The following TENM3 variants were observed in gnomAD, a reference collection of about 807,000 sequenced individuals.
TENM3 encodes teneurin transmembrane protein 3, also known as teneurin-3.
Under a neutral mutation model 255.1 loss-of-function variants are expected in TENM3, and 63 were observed. The observed-to-expected ratio is 0.25, with a 90% CI of 0.20 to 0.30. TENM3 has a LOEUF of 0.30. TENM3 is among the 10% of genes least tolerant of loss of function. The probability of loss-of-function intolerance (pLI) is 1.00; values close to 1 mark genes in which losing one functional copy is unlikely to be tolerated. For missense variants in TENM3, 2,929 were observed against 3,461.1 expected, an observed-to-expected ratio of 0.85 and a Z score of 3.86; for synonymous variants, 1,306 against 1,322.3, an observed-to-expected ratio of 0.99 and a Z score of 0.27.
intron 2 of TENM3, 98 bp downstream of exon 2, chr4:182,324,350 T>C: frequency 2.3e-6 from 2 of 888,174 alleles, no homozygotes; most frequent in Non-Finnish European, 3.7e-6. Flanking sequence ...TTTCTGACTT[T>C]GGCGTTCCAT....
chr4:182,486,067 G>A lies in TENM3; in HGVS notation c.512-114857G>A, dbSNP rs550331245. Among the ~76,000 whole-genome samples, 7 of 152,054 alleles carry A rather than the reference G, an allele frequency of 4.6e-5. No individual in the cohort carries two copies. The East Asian group carries it at 5.8e-4, about 13-fold the overall frequency. On this transcript the variant is annotated intron_variant, in intron 3 of 27. Transcript: ENST00000511685. ...AGGTAGCATGTCCAAAGCTGGAGCC[G>A]GAAGACAGTGTCAGGGAGCTGCACA... is the stretch of plus-strand genomic sequence containing the variant.
the TENM3 span, among the ~76,000 whole-genome samples, chr4:181,991,062 C>T: frequency 6.6e-6 from 1 of 152,030 alleles, no homozygotes; most frequent in Admixed American, 6.6e-5. Context: ...TTGGGCTAGC[C>T]TTTCCTATAT....
At chr4:182,609,486 T>C (rs577897074) in intron 4 of TENM3, among the ~76,000 whole-genome samples, 1 of 152,354 alleles carries the variant, frequency 6.6e-6, no homozygotes, top group Admixed American at 6.5e-5. Context: ...GATTAAATTC[T>C]TGGACATGCA....
At chr4:181,756,064 G>A in the TENM3 span, among the ~76,000 whole-genome samples, 1 of 152,120 alleles carries the variant, frequency 6.6e-6, no homozygotes, top group African/African-American at 2.4e-5. Context: ...AGAGGAGTTG[G>A]CCACTGACCA....
chr4:182,371,229 T>TCACA (rs3221610), intron 3 of TENM3, among the ~76,000 whole-genome samples: 83,536 of 144,040 alleles, frequency 0.58, 24,467 homozygotes, highest in East Asian at 0.87. Context: ...CTCCTCCCCA[T>TCACA]CACACACACA....
chr4:182,658,245 C>A (rs1410984733), intron 6 of TENM3, among the ~76,000 whole-genome samples: 7 of 152,196 alleles, frequency 4.6e-5, no homozygotes, highest in African/African-American at 1.7e-4. Flanking sequence ...TTCTGTGATA[C>A]CACATTCACT....
At chr4:182,367,297 T>C (rs1388057506) in intron 3 of TENM3, among the ~76,000 whole-genome samples, 2 of 152,100 alleles carry the variant, frequency 1.3e-5, no homozygotes, top group African/African-American at 4.8e-5. Context: ...GAGATCCTCT[T>C]GGGAAACCAT....
At chr4:182,053,933 C>T in the TENM3 span, among the ~76,000 whole-genome samples, 1 of 152,110 alleles carries the variant, frequency 6.6e-6, no homozygotes, top group East Asian at 1.9e-4. Flanking sequence ...AGCTTTGACA[C>T]TTGATGCAGT....
chr4:181,477,886 T>G, the TENM3 span, among the ~76,000 whole-genome samples: 1 of 152,166 alleles, frequency 6.6e-6, no homozygotes, highest in African/African-American at 2.4e-5. Flanking sequence ...TATTTTTGAG[T>G]GTGCAGTAAG....
intron 1 of TENM3, among the ~76,000 whole-genome samples, chr4:182,218,442 C>A (rs1755642502): frequency 6.6e-6 from 1 of 152,144 alleles, no homozygotes; most frequent in African/African-American, 2.4e-5. Flanking sequence ...TGTGCAAATT[C>A]ATATATTATT....
the TENM3 span, among the ~76,000 whole-genome samples, chr4:181,486,765 G>C: frequency 6.6e-6 from 1 of 152,134 alleles, no homozygotes; most frequent in Non-Finnish European, 1.5e-5. Flanking sequence ...CAGAAAAGCA[G>C]TGTGGTAGAT....
At chr4:182,422,218 T>C (rs2151142608) in intron 3 of TENM3, among the ~76,000 whole-genome samples, 1 of 152,320 alleles carries the variant, frequency 6.6e-6, no homozygotes, top group Middle Eastern at 3.4e-3. Flanking sequence ...ACTGTTTTTT[T>C]TTAAAAGAGT....
the TENM3 span, among the ~76,000 whole-genome samples, chr4:182,096,782 A>G: frequency 1.3e-5 from 2 of 152,212 alleles, no homozygotes; most frequent in Non-Finnish European, 2.9e-5. Flanking sequence ...ACAGAGGAAC[A>G]TGTTGAACTG....
At chr4:182,585,594 G>A (rs980253823) in intron 3 of TENM3, among the ~76,000 whole-genome samples, 3 of 152,150 alleles carry the variant, frequency 2.0e-5, no homozygotes, top group Admixed American at 6.5e-5. Flanking sequence ...GAAACCAACC[G>A]ACCCTGCCAG....
rs1554066038 is a variant in TENM3 at position 182,432,849 on chromosome 4, G to GTGTGTGTGTGTGTGTGTGTGT, written c.511+85920_511+85921insTGTGTGTGTGTGTGTGTGTGT. Among the ~76,000 whole-genome samples the GTGTGTGTGTGTGTGTGTGTGT allele has an allele frequency of 6.4e-4, 92 of 143,074 alleles. 3 individuals carry two copies. The highest frequency in any genetic ancestry group is 8.5e-4 in the African/African-American group (33 of 38,906). The allele number at this position is 143,074 out of a possible 152,430, so 93.9% of individuals were successfully genotyped here. A position where few individuals can be genotyped will look rare whatever the true frequency, so the allele number is the denominator to read the frequency against. ...AATTTTTCATCAGGGAATGGATTTGGGTGTGTGTGTGTGTGTTTTAGTAGA... is the reference window on the plus strand; with the variant it reads ...AATTTTTCATCAGGGAATGGATTTGGTGTGTGTGTGTGTGTGTGTGTGTGTGTGTGTGTGTGTTTTAGTAGA... On this transcript the variant is annotated intron_variant, in intron 3 of 27. Coordinates refer to ENST00000511685, the MANE Select transcript of TENM3 (RefSeq NM_001080477.4).
At chr4:182,604,977 A>G (rs755510428) in intron 4 of TENM3, among the ~76,000 whole-genome samples, 10 of 152,180 alleles carry the variant, frequency 6.6e-5, no homozygotes, top group Non-Finnish European at 1.3e-4. Flanking sequence ...CTAAACAGAG[A>G]TATTGTTTAC....
the TENM3 span, among the ~76,000 whole-genome samples, chr4:181,951,722 TA>T: frequency 6.6e-6 from 1 of 152,230 alleles, no homozygotes; most frequent in South Asian, 2.1e-4. Context: ...GTCAAAAAAG[TA>T]CATTTTTCTC....
chr4:181,895,746 G>A, the TENM3 span, among the ~76,000 whole-genome samples: 1 of 151,598 alleles, frequency 6.6e-6, no homozygotes, highest in Non-Finnish European at 1.5e-5. Flanking sequence ...AGGTCTCACT[G>A]TGTTGCCAGA....
intron 1 of TENM3, among the ~76,000 whole-genome samples, chr4:182,294,208 G>A (rs1580056102): frequency 6.6e-6 from 1 of 152,242 alleles, no homozygotes; most frequent in Admixed American, 6.5e-5. Context: ...GTTGTGAAGT[G>A]CTTTCTTTTC....
Sources: allele counts gnomAD v4.1 joint callset (sites outside exome capture counted in the v4.1 genomes callset), GRCh38; gene constraint gnomAD v4.1.1; transcripts MANE v1.5; gene names NCBI Gene and HGNC (gene_info 2026-07-23, HGNC 2026-07-21).